Variants in RLF observed in about 807,000 individuals in gnomAD.
The protein encoded by RLF is RLF zinc finger.
In RLF, 7 loss-of-function variants were observed where a neutral mutation model predicts 162.9. The observed-to-expected ratio is 0.04, with a 90% CI of 0.02 to 0.08. RLF has a LOEUF of 0.08. Among genes scored for constraint, RLF ranks in the 10% least tolerant of loss-of-function variants. The pLI, the probability that RLF is intolerant of heterozygous loss-of-function variation, is 1.00. For synonymous variants in RLF, 782 were observed against 791.5 expected, an observed-to-expected ratio of 0.99 and a Z score of 0.20; for missense variants, 1,664 against 2,244.7, an observed-to-expected ratio of 0.74 and a Z score of 5.23.
intron 1 of RLF, among the ~76,000 whole-genome samples, chr1:40,166,421 T>C (rs951032942): frequency 6.6e-6 from 1 of 152,028 alleles, no homozygotes; most frequent in African/African-American, 2.4e-5. Context: ...GTTCAACCAT[T>C]GTGGAAGACA....
At chr1:40,200,149 T>C (rs1370850193) in intron 4 of RLF, among the ~76,000 whole-genome samples, 1 of 152,140 alleles carries the variant, frequency 6.6e-6, no homozygotes, top group Non-Finnish European at 1.5e-5. Flanking sequence ...AAAACATACA[T>C]CCCAAGGTCC....
rs755641201 is a variant in RLF, at chr1:40,240,111, G to T, written c.5409G>T (p.Gln1803His). ...SEHLTLSNSSQSSNDLTGNVV... is the reference protein window; with the variant it reads ...SEHLTLSNSSHSSNDLTGNVV... ...ACTTAACATTAAGTAATTCTTCACA[G>T]TCCAGTAATGATTTAACAGGGAATG... Residue 1803 changes from glutamine (Q) to histidine (H), a missense_variant, in exon 8 of 8, where the codon CAG (glutamine) becomes CAT (histidine). By Grantham distance (24) the Gln-to-His change is conservative. Coordinates refer to ENST00000372771, the MANE Select transcript of RLF (RefSeq NM_012421.4). The T allele has an allele frequency of 1.2e-6, 2 of 1,614,142 alleles. No homozygotes were observed. Among genetic ancestry groups the T allele is most frequent in the South Asian group, 2.2e-5 (2 of 91,086 alleles).
intron 4 of RLF, 61 bp downstream of exon 4, chr1:40,195,825 G>T: frequency 1.3e-6 from 2 of 1,506,866 alleles, no homozygotes; most frequent in Admixed American, 2.1e-5. Context: ...ATTGATTATG[G>T]GTTAAAATTT....
intron 1 of RLF, among the ~76,000 whole-genome samples, chr1:40,180,257 ACTTTT>A (rs1359380511): frequency 2.0e-5 from 3 of 151,642 alleles, no homozygotes; most frequent in East Asian, 1.9e-4. Context: ...TCTGTTCTTT[ACTTTT>A]CTTTTCTTTT....
chr1:40,193,543 A>AT (rs1161654502), intron 3 of RLF, among the ~76,000 whole-genome samples: 1 of 152,176 alleles, frequency 6.6e-6, no homozygotes, highest in Non-Finnish European at 1.5e-5. Context: ...CAAATTTTTA[A>AT]CTTTTCACAT....
chr1:40,219,089 A>C (rs906269258), intron 5 of RLF, among the ~76,000 whole-genome samples: 3 of 152,162 alleles, frequency 2.0e-5, no homozygotes, highest in African/African-American at 7.2e-5. Flanking sequence ...TTTGTGGCAT[A>C]TATTTGTTTT....
At chr1:40,200,467 A>G (rs1418613718) in intron 4 of RLF, among the ~76,000 whole-genome samples, 1 of 152,188 alleles carries the variant, frequency 6.6e-6, no homozygotes, top group Non-Finnish European at 1.5e-5. Flanking sequence ...GTGTATCAGT[A>G]GGGGATTGGT....
chr1:40,226,859 TA>T (rs1444608936), intron 6 of RLF, among the ~76,000 whole-genome samples: 7 of 152,066 alleles, frequency 4.6e-5, no homozygotes, highest in African/African-American at 1.4e-4. Context: ...TATATGTGTG[TA>T]TGTATTTATT....
intron 5 of RLF, among the ~76,000 whole-genome samples, chr1:40,203,205 C>G (rs1642743070): frequency 6.6e-6 from 1 of 150,426 alleles, no homozygotes; most frequent in South Asian, 2.1e-4. Flanking sequence ...GCCTCTGCCT[C>G]CCGGGTTCAA....
chr1:40,169,369 C>T (rs1233342394), intron 1 of RLF, among the ~76,000 whole-genome samples: 1 of 151,948 alleles, frequency 6.6e-6, no homozygotes, highest in Non-Finnish European at 1.5e-5. Flanking sequence ...GTAGTCCCAG[C>T]ACTTTGGGAG....
intron 4 of RLF, among the ~76,000 whole-genome samples, chr1:40,197,683 T>G (rs545128303): frequency 6.6e-6 from 1 of 152,336 alleles, no homozygotes; most frequent in African/African-American, 2.4e-5. Context: ...AATTAAGCAC[T>G]CACTATCTTT....
At chr1:40,170,918 T>C (rs1642234946) in intron 1 of RLF, among the ~76,000 whole-genome samples, 1 of 152,216 alleles carries the variant, frequency 6.6e-6, no homozygotes, top group African/African-American at 2.4e-5. Context: ...TAAGTCTGAT[T>C]ACTGTCTTTT....
At position 40,225,634 on chromosome 1, in the gene RLF, T is replaced by C. The variant is rs533435064; in HGVS notation, c.947+2924T>C. Among the ~76,000 whole-genome samples the C allele has an allele frequency of 5.4e-4, 80 of 148,340 alleles. 1 individual carries two copies. Among genetic ancestry groups the C allele is most frequent in the Middle Eastern group, 3.6e-3 (1 of 278 alleles). ...GCTCATGCCTGTAATCCCAGCACTT[T>C]GGGAGGCCGAGACGGGCAGATCACA... On this transcript the variant is annotated intron_variant, in intron 6 of 7. Transcript: ENST00000372771.
At chr1:40,176,397 C>T (rs769247384) in intron 1 of RLF, among the ~76,000 whole-genome samples, 2 of 152,208 alleles carry the variant, frequency 1.3e-5, no homozygotes, top group Non-Finnish European at 2.9e-5. Context: ...ATTTTAGCCA[C>T]TCTAAAATTG....
intron 5 of RLF, among the ~76,000 whole-genome samples, chr1:40,216,935 C>T (rs887249222): frequency 6.6e-6 from 1 of 152,012 alleles, no homozygotes; most frequent in African/African-American, 2.4e-5. Flanking sequence ...ACCTGTAATC[C>T]CAGCTACTCA....
At chr1:40,175,317 A>G (rs1179732781) in intron 1 of RLF, among the ~76,000 whole-genome samples, 1 of 152,046 alleles carries the variant, frequency 6.6e-6, no homozygotes, top group Non-Finnish European at 1.5e-5. Context: ...TGAAATGGAG[A>G]ACATATATGT....
At position 40,173,804 on chromosome 1, in the gene RLF, C is replaced by T. The variant is rs371901665; in HGVS notation, c.237+12168C>T. ...TGCTGGGATTATAGCCGTGAGCCAC[C>T]GTGCCAGGCTGATCATGTAATCTTG... On this transcript the variant is annotated intron_variant, in intron 1 of 7. Coordinates refer to ENST00000372771, the MANE Select transcript of RLF (RefSeq NM_012421.4). Among the ~76,000 whole-genome samples the T allele has an allele frequency of 1.1e-4, 16 of 152,242 alleles. 1 individual carries two copies. Among genetic ancestry groups the T allele is most frequent in the East Asian group, 3.9e-4 (2 of 5,178 alleles).
intron 5 of RLF, among the ~76,000 whole-genome samples, chr1:40,213,543 A>G (rs1238946102): frequency 6.6e-6 from 1 of 152,270 alleles, no homozygotes; most frequent in Non-Finnish European, 1.5e-5. Flanking sequence ...CTTTTTTCCC[A>G]GGTAATGTCT....
chr1:40,205,734 G>T lies in RLF; in HGVS notation c.810+3120G>T, dbSNP rs377181720. Among the ~76,000 whole-genome samples the T allele has an allele frequency of 8.9e-4, 136 of 152,112 alleles. 3 individuals carry two copies. In the South Asian group the frequency reaches 0.027, roughly 30 times the overall value. On this transcript the variant is annotated intron_variant, in intron 5 of 7. Coordinates refer to ENST00000372771, the MANE Select transcript of RLF (RefSeq NM_012421.4). ...TCTCCATCTCCTGACCTCGTGATCC[G>T]CTCGCCTCTGTTTCCCAAAGTGCTG...
Sources: allele counts gnomAD v4.1 joint callset (sites outside exome capture counted in the v4.1 genomes callset), GRCh38; gene constraint gnomAD v4.1.1; transcripts MANE v1.5; gene names NCBI Gene and HGNC (gene_info 2026-07-23, HGNC 2026-07-21).